Variants in RPS10 observed in about 807,000 individuals in gnomAD.
RPS10 encodes the protein ribosomal protein S10.
In RPS10, 2 loss-of-function variants were observed where a neutral mutation model predicts 22.6. The ratio of observed to expected loss-of-function variants is 0.09; its 90% CI spans 0.04 to 0.28. The LOEUF (loss-of-function observed/expected upper bound fraction) is 0.28. Ranked by LOEUF, RPS10 falls within the 10% of genes least tolerant of loss-of-function variation. The probability of loss-of-function intolerance (pLI) is 1.00; values close to 1 mark genes in which losing one functional copy is unlikely to be tolerated. For missense variants in RPS10, 137 were observed against 222.2 expected (o/e 0.62, Z 2.44); for synonymous variants, 70 against 75.9 (o/e 0.92, Z 0.40).
rs556255412 is a variant in RPS10, at chr6:34,424,666, T to C, written c.322+3A>G. 6.2e-7 allele frequency: 1 copy of C among 1,614,100 alleles called. No individual in the cohort carries two copies. The highest frequency in any genetic ancestry group is 2.2e-5 in the East Asian group (1 of 44,882). Reference sequence around the variant, plus strand: ...GCTGAAGGGATTTGTGTGGGAACCATACCTTTAGGCCGAGGCCTGCCAGTC... The same window carrying C: ...GCTGAAGGGATTTGTGTGGGAACCACACCTTTAGGCCGAGGCCTGCCAGTC... On this transcript the variant is annotated splice_donor_region_variant and intron_variant, in intron 3 of 5. Coordinates refer to ENST00000648437, the MANE Select transcript of RPS10 (RefSeq NM_001014.5).
Position 34,424,789 on chromosome 6 carries a change from A to G in RPS10, c.202T>C (p.Tyr68His), listed in dbSNP as rs1765896637. The G allele has an allele frequency of 2.5e-6, 4 of 1,614,052 alleles. No individual in the cohort carries two copies. Among genetic ancestry groups the G allele is most frequent in the South Asian group, 1.1e-5 (1 of 91,088 alleles). Residue 68 changes from tyrosine (Y) to histidine (H), a missense_variant, in exon 3 of 6, where the codon TAC becomes CAC. Coordinates refer to ENST00000648437, the MANE Select transcript of RPS10 (RefSeq NM_001014.5). Reference protein sequence around the residue: ...VKEQFAWRHFYWYLTNEGIQY... With the variant: ...VKEQFAWRHFHWYLTNEGIQY... ...ATACCCTCATTGGTAAGGTACCAGT[A>G]GAAATGTCTCCAGGCAAACTGTTCC... is the stretch of plus-strand genomic sequence containing the variant.
intron 4 of RPS10, among the ~76,000 whole-genome samples, chr6:34,418,977 C>T (rs1277630493): frequency 2.6e-5 from 4 of 152,114 alleles, no homozygotes; most frequent in African/African-American, 7.2e-5. Flanking sequence ...TGGGCTCAAG[C>T]GATCCTCCCA....
intron 3 of RPS10, chr6:34,424,140 TAAAAA>T (rs71538239): frequency 0.012 from 569 of 49,150 alleles, 17 homozygotes; most frequent in African/African-American, 0.052. Context: ...AAGACTCCGT[TAAAAA>T]AAAAAAAAAA....
chr6:34,418,457 T>C (rs906157481), intron 4 of RPS10, 33 bp from the exon 5 acceptor site: 2 of 1,614,130 alleles, frequency 1.2e-6, no homozygotes, highest in Admixed American at 1.7e-5. Flanking sequence ...AGAATCATCA[T>C]ATGATCTAAT....
chr6:34,417,920 T>C (rs1216215443), intron 5 of RPS10: 1 of 718,538 alleles, frequency 1.4e-6, no homozygotes. Flanking sequence ...AAAAATGATA[T>C]GCCAGTACTA....
chr6:34,418,385 G>C lies in RPS10; in HGVS notation c.440C>G (p.Ala147Gly), dbSNP rs1365505109. 1 of 1,614,048 alleles carries C rather than the reference G, an allele frequency of 6.2e-7. No individual in the cohort carries two copies. The highest frequency in any genetic ancestry group is 8.5e-7 in the Non-Finnish European group (1 of 1,180,030). ...DKKAEAGAGS[A>G]TEFQFRGGFG... The stretch of plus-strand genomic sequence containing the variant: ...GATACTCACAAACTGGAATTCGGTT[G>C]CTGACCCAGCCCCAGCCTCGGCTTT... The change falls in exon 5 of 6, where the codon GCA (alanine) becomes GGA (glycine). Residue 147 changes from alanine (A) to glycine (G), a missense_variant. Ala to Gly is a moderately conservative substitution (Grantham distance 60, BLOSUM62 0). Coordinates refer to ENST00000648437, the MANE Select transcript of RPS10 (RefSeq NM_001014.5).
Position 34,425,191 on chromosome 6 carries a change from T to C in RPS10, c.31A>G (p.Ile11Val), listed in dbSNP as rs777378930. 5 of 1,613,068 alleles carry C rather than the reference T, an allele frequency of 3.1e-6. No individual in the cohort carries two copies. The highest frequency in any genetic ancestry group is 3.4e-6 in the Non-Finnish European group (4 of 1,179,692). MLMPKKNRIA[I>V]YELLFKEGVM... ...CCCTCCTTAAAAAGGAGTTCATAAA[T>C]GGCAATCCGGTTCTTCTTAGGCATC... Residue 11 changes from isoleucine to valine, a missense_variant, in exon 2 of 6, where the codon ATT (isoleucine) becomes GTT (valine). Transcript: ENST00000648437.
chr6:34,425,338 A>T (rs1456797406), intron 1 of RPS10, 117 bp from the exon 2 acceptor site: 15 of 1,344,390 alleles, frequency 1.1e-5, no homozygotes, highest in Non-Finnish European at 1.4e-5. Flanking sequence ...GCTGGTGGGA[A>T]GACTCAACTC....
At chr6:34,420,370 A>T (rs1426666258) in intron 4 of RPS10, among the ~76,000 whole-genome samples, 2 of 152,042 alleles carry the variant, frequency 1.3e-5, no homozygotes, top group African/African-American at 4.8e-5. Flanking sequence ...AGGCAGGCAC[A>T]CACCATCATG....
intron 5 of RPS10, chr6:34,417,900 G>C: frequency 1.4e-6 from 1 of 718,390 alleles, no homozygotes; most frequent in Non-Finnish European, 2.6e-6. Context: ...ATGAGGACCT[G>C]CCATAGGACA....
intron 5 of RPS10, chr6:34,418,161 T>C: frequency 2.0e-6 from 3 of 1,479,076 alleles, no homozygotes; most frequent in East Asian, 2.5e-5. Context: ...ATGTACTGAT[T>C]TCTGAGACTC....
rs920896643 is a variant in RPS10 at position 34,421,768 on chromosome 6, T to C, written c.362A>G (p.Glu121Gly). Residue 121 changes from glutamate (E) to glycine (G), a missense_variant, in exon 4 of 6, where the codon GAA becomes GGA. Physicochemically the swap from Glu to Gly is moderately conservative, Grantham distance 98. Coordinates refer to ENST00000648437, the MANE Select transcript of RPS10 (RefSeq NM_001014.5). The stretch of plus-strand genomic sequence containing the variant: ...CCGTCTGTAGGTATCTCTGTCAGCT[T>C]CCCCTCTTGTGAGTCTCGCAGGTCG... ...GERPARLTRG[E>G]ADRDTYRRSA... 2 of 1,613,742 alleles carry C rather than the reference T, an allele frequency of 1.2e-6. No individual in the cohort carries two copies. Among genetic ancestry groups the C allele is most frequent in the Non-Finnish European group, 1.7e-6 (2 of 1,179,816 alleles).
intron 4 of RPS10, among the ~76,000 whole-genome samples, chr6:34,418,669 A>T (rs535947692): frequency 4.9e-4 from 74 of 152,228 alleles, no homozygotes; most frequent in African/African-American, 1.6e-3. Flanking sequence ...CTCCCAAAGG[A>T]TTCCTACTTC....
chr6:34,423,068 T>C (rs1474806607), intron 3 of RPS10, among the ~76,000 whole-genome samples: 3 of 151,918 alleles, frequency 2.0e-5, no homozygotes, highest in Non-Finnish European at 4.4e-5. Flanking sequence ...TGACAGAATA[T>C]AAACAAACAA....
Position 34,424,951 on chromosome 6 carries a change from G to C in RPS10, c.151-111C>G, listed in dbSNP as rs928590153. ...GTTAGCAAGCAGCCCCCGCAGTCCT[G>C]ACCTCCCTTTTTGAACTTGCCTTGA... On this transcript the variant is annotated intron_variant, in intron 2 of 5. Transcript: ENST00000648437. 12 of 1,607,302 alleles carry C rather than the reference G, an allele frequency of 7.5e-6. No individual in the cohort carries two copies. In the South Asian group the frequency reaches 1.1e-4, roughly 15 times the overall value.
At chr6:34,418,234 T>C in intron 5 of RPS10, 135 bp downstream of exon 5, 4 of 1,547,646 alleles carry the variant, frequency 2.6e-6, no homozygotes, top group African/African-American at 1.4e-5. Flanking sequence ...AATTTGGAAT[T>C]TGGAAAAAAG....
intron 3 of RPS10, among the ~76,000 whole-genome samples, chr6:34,422,693 A>C (rs1027737859): frequency 1.3e-5 from 2 of 151,634 alleles, no homozygotes; most frequent in African/African-American, 4.8e-5. Context: ...TCCTGGTCTC[A>C]TGTGATCCTC....
At chr6:34,418,458 A>G (rs1425992943) in intron 4 of RPS10, 34 bp from the exon 5 acceptor site, 4 of 1,614,144 alleles carry the variant, frequency 2.5e-6, no homozygotes, top group Non-Finnish European at 3.4e-6. Context: ...GAATCATCAT[A>G]TGATCTAATC....
In RPS10 at chr6:34,424,841, CTG is replaced by C. The variant is rs779387874; in HGVS notation, c.151-3_151-2del. 6.2e-7 allele frequency: 1 copy of C among 1,613,850 alleles called. No homozygotes were observed. The highest frequency in any genetic ancestry group is 1.3e-5 in the African/African-American group (1 of 75,048). On this transcript the variant is annotated splice_acceptor_variant and splice_polypyrimidine_tract_variant and intron_variant, in intron 2 of 5. Transcript: ENST00000648437. LOFTEE classifies it high-confidence loss of function. ...TCACGTAGCCTCGGGACTTGAGAGACTGTAAGGCAGAAAACTACTGTTAAGGC... is the reference window on the plus strand; with the variant it reads ...TCACGTAGCCTCGGGACTTGAGAGACTAAGGCAGAAAACTACTGTTAAGGC...
Sources: allele counts gnomAD v4.1 joint callset (sites outside exome capture counted in the v4.1 genomes callset), GRCh38; gene constraint gnomAD v4.1.1; transcripts MANE v1.5; gene names NCBI Gene and HGNC (gene_info 2026-07-23, HGNC 2026-07-21).